DCX: variants seen among roughly 807,000 people sequenced by gnomAD.
DCX encodes the protein doublecortin.
Under a neutral mutation model 20.9 loss-of-function variants are expected in DCX, and 4 were observed. The ratio of observed to expected loss-of-function variants is 0.19; its 90% CI spans 0.09 to 0.44. The LOEUF (loss-of-function observed/expected upper bound fraction) is 0.44. Among genes scored for constraint, DCX ranks in the 20% least tolerant of loss-of-function variants. DCX has a pLI of 0.99. For missense variants in DCX, 133 were observed against 296.9 expected (o/e 0.45, Z 4.06); for synonymous variants, 103 against 111.4 (o/e 0.92, Z 0.47).
chrX:111,364,152 T>C (rs909646760), intron 3 of DCX, among the ~76,000 whole-genome samples: 5 of 112,178 alleles, frequency 4.5e-5, no homozygotes, highest in African/African-American at 1.6e-4. Flanking sequence ...CATTTTGGAC[T>C]GGGTGGGACT....
At chrX:111,360,041 T>A (rs1027595955) in intron 3 of DCX, among the ~76,000 whole-genome samples, 4 of 112,137 alleles carry the variant, frequency 3.6e-5, no homozygotes, top group African/African-American at 1.3e-4. Flanking sequence ...CAGTATCGTG[T>A]GTAATTGCAA....
intron 3 of DCX, among the ~76,000 whole-genome samples, chrX:111,355,334 C>G (rs1923647767): frequency 9.0e-6 from 1 of 110,845 alleles, no homozygotes; most frequent in Non-Finnish European, 1.9e-5. Flanking sequence ...ACAAAAAATT[C>G]TTTTGTTTTT....
chrX:111,338,362 C>G (rs1300392929), intron 3 of DCX, among the ~76,000 whole-genome samples: 2 of 111,930 alleles, frequency 1.8e-5, no homozygotes, highest in Non-Finnish European at 3.8e-5. Flanking sequence ...ATTTTTCAGT[C>G]TTGCCAACAG....
At chrX:111,312,418 T>C (rs2095059766) in intron 6 of DCX, among the ~76,000 whole-genome samples, 1 of 112,033 alleles carries the variant, frequency 8.9e-6, no homozygotes, top group Non-Finnish European at 1.9e-5. Flanking sequence ...TTGGAAGAAG[T>C]GCTAGAATGT....
At chrX:111,382,202 C>A (rs1324816703) in intron 3 of DCX, among the ~76,000 whole-genome samples, 1 of 111,689 alleles carries the variant, frequency 9.0e-6, no homozygotes, top group African/African-American at 3.3e-5. Flanking sequence ...GGTCTTCTGG[C>A]CCACAGTATC....
At chrX:111,350,058 C>T (rs982240271) in intron 3 of DCX, among the ~76,000 whole-genome samples, 2 of 111,847 alleles carry the variant, frequency 1.8e-5, no homozygotes, top group African/African-American at 6.5e-5. Context: ...AGAGCTATGA[C>T]CTTCAGTCAA....
chrX:111,297,724 C>T lies in DCX; in HGVS notation c.*3963G>A, dbSNP rs1451288717. ...AGGAAGAGCCTTGCAGCAAGGAAAA[C>T]CATGTGTTTGGACCCTTTTGCCCTG... is the stretch of plus-strand genomic sequence containing the variant. On this transcript the variant is annotated 3_prime_UTR_variant, in exon 7 of 7. Transcript: ENST00000636035. The T allele has an allele frequency of 9.0e-6, 1 of 111,631 alleles. No individual in the cohort carries two copies. The highest frequency in any genetic ancestry group is 1.9e-5 in the Non-Finnish European group (1 of 53,182). 9.2% of individuals were successfully genotyped at this position (111,631 alleles called of 1,213,427 possible). A position where few individuals can be genotyped will look rare whatever the true frequency, so the allele number is the denominator to read the frequency against.
intron 4 of DCX, among the ~76,000 whole-genome samples, chrX:111,331,586 T>G (rs926921901): frequency 2.7e-5 from 3 of 112,039 alleles, no homozygotes; most frequent in Admixed American, 9.4e-5. Context: ...TCTTTTCGAT[T>G]TCCCATGTAT....
chrX:111,331,237 T>C (rs1921213744), intron 4 of DCX, among the ~76,000 whole-genome samples, 196 bp from the exon 5 acceptor site: 1 of 111,666 alleles, frequency 9.0e-6, no homozygotes, highest in African/African-American at 3.3e-5. Context: ...CCACCTGGGC[T>C]AAGCTAGGTG....
intron 3 of DCX, among the ~76,000 whole-genome samples, chrX:111,368,156 T>G (rs1924774208): frequency 9.0e-6 from 1 of 111,263 alleles, no homozygotes. Context: ...GAAGTAGCCT[T>G]GCAATTTATG....
intron 3 of DCX, among the ~76,000 whole-genome samples, chrX:111,347,097 C>T (rs1052133084): frequency 3.6e-5 from 4 of 111,418 alleles, no homozygotes; most frequent in African/African-American, 1.3e-4. Context: ...TACAAAAAAA[C>T]ACATATTTAA....
At chrX:111,391,618 A>G (rs1231795904) in intron 3 of DCX, among the ~76,000 whole-genome samples, 3 of 110,678 alleles carry the variant, frequency 2.7e-5, no homozygotes, top group Non-Finnish European at 5.7e-5. Context: ...TGTTCTGTGC[A>G]GTGTAAGATG....
chrX:111,387,717 C>T (rs902259109), intron 3 of DCX, among the ~76,000 whole-genome samples: 5 of 111,541 alleles, frequency 4.5e-5, no homozygotes, highest in African/African-American at 1.3e-4. Context: ...TATTTATATA[C>T]GACTTCATCA....
At chrX:111,311,253 C>G (rs1383263993) in intron 6 of DCX, among the ~76,000 whole-genome samples, 4 of 111,829 alleles carry the variant, frequency 3.6e-5, no homozygotes, top group Non-Finnish European at 5.6e-5. Flanking sequence ...TGAAATAGCT[C>G]AACAGGACAA....
chrX:111,310,446 A>G (rs985925825), intron 6 of DCX, among the ~76,000 whole-genome samples: 32 of 111,960 alleles, frequency 2.9e-4, no homozygotes, highest in African/African-American at 1.0e-3. Context: ...GAGAGAGAGA[A>G]CATAAAAAAT....
chrX:111,313,922 G>A (rs1424678151), intron 5 of DCX, among the ~76,000 whole-genome samples: 3 of 106,332 alleles, frequency 2.8e-5, no homozygotes, highest in African/African-American at 1.0e-4. Context: ...TGGGGGGGAG[G>A]GAGACAGAGA....
chrX:111,354,733 C>A (rs890530651), intron 3 of DCX, among the ~76,000 whole-genome samples: 3 of 112,384 alleles, frequency 2.7e-5, no homozygotes, highest in Non-Finnish European at 5.6e-5. Flanking sequence ...CAACTCAAAG[C>A]TTTCCACTTC....
chrX:111,331,168 C>T, intron 4 of DCX, 127 bp from the exon 5 acceptor site: 1 of 804,461 alleles, frequency 1.2e-6, no homozygotes, highest in Non-Finnish European at 1.8e-6. Flanking sequence ...CAATGTGGTC[C>T]TTATTATTAG....
intron 6 of DCX, among the ~76,000 whole-genome samples, chrX:111,308,279 A>C (rs756978144): frequency 8.9e-6 from 1 of 112,137 alleles, no homozygotes; most frequent in African/African-American, 3.2e-5. Flanking sequence ...AGAAAACAAA[A>C]AGTTGGTCTC....
Sources: allele counts gnomAD v4.1 joint callset (sites outside exome capture counted in the v4.1 genomes callset), GRCh38; gene constraint gnomAD v4.1.1; transcripts MANE v1.5; gene names NCBI Gene and HGNC (gene_info 2026-07-23, HGNC 2026-07-21).